ELF2: variants seen among roughly 807,000 people sequenced by gnomAD.
ELF2 encodes ETS-related transcription factor Elf-2.
A neutral mutation model predicts 54.8 loss-of-function variants in ELF2; 11 were observed. That is an observed-to-expected ratio of 0.20 (90% CI 0.13 to 0.33). The LOEUF is 0.33. Ranked by LOEUF, ELF2 falls within the 10% of genes least tolerant of loss-of-function variation. The pLI, the probability that ELF2 is intolerant of heterozygous loss-of-function variation, is 1.00. For missense variants in ELF2, 513 were observed against 703.0 expected, an observed-to-expected ratio of 0.73 and a Z score of 3.06; for synonymous variants, 203 against 245.1, an observed-to-expected ratio of 0.83 and a Z score of 1.61.
chr4:139,136,741 T>A (rs1738202822), intron 3 of ELF2: 1 of 150,386 alleles, frequency 6.6e-6, no homozygotes, highest in Non-Finnish European at 1.5e-5. Flanking sequence ...CTCGGCTCAC[T>A]GCAAGCTCCG....
intron 4 of ELF2, among the ~76,000 whole-genome samples, chr4:139,082,928 T>C (rs1385172579): frequency 1.3e-5 from 2 of 152,226 alleles, no homozygotes; most frequent in Non-Finnish European, 2.9e-5. Flanking sequence ...GCCCTTCCGC[T>C]GCAGCAGTGG....
intron 1 of ELF2, among the ~76,000 whole-genome samples, chr4:139,167,492 T>TA (rs1238187280): frequency 2.0e-5 from 3 of 152,216 alleles, no homozygotes. Context: ...TATAAACAAA[T>TA]TTGTCTTATT....
intron 1 of ELF2, among the ~76,000 whole-genome samples, chr4:139,143,235 G>A (rs1255977682): frequency 6.6e-6 from 1 of 152,204 alleles, no homozygotes; most frequent in Non-Finnish European, 1.5e-5. Context: ...TCCTGGAACA[G>A]TCTGCATGCA....
chr4:139,060,745 G>A (rs1727715106), intron 8 of ELF2, 71 bp from the exon 9 acceptor site: 2 of 1,294,070 alleles, frequency 1.5e-6, no homozygotes, highest in Non-Finnish European at 2.1e-6. Flanking sequence ...CCGCCAAAAA[G>A]ACCACATACA....
intron 4 of ELF2, among the ~76,000 whole-genome samples, chr4:139,098,862 G>A (rs796422923): frequency 2.6e-5 from 4 of 152,056 alleles, no homozygotes; most frequent in Non-Finnish European, 5.9e-5. Context: ...AATAACACAG[G>A]TTCTTGTCTT....
intron 6 of ELF2, 73 bp downstream of exon 6, chr4:139,071,793 T>C (rs1729546175): frequency 8.8e-6 from 12 of 1,368,912 alleles, no homozygotes; most frequent in South Asian, 1.4e-5. Context: ...CTACTTTCTA[T>C]GTCCCTTGAT....
intron 4 of ELF2, among the ~76,000 whole-genome samples, chr4:139,113,393 C>A (rs1300524184): frequency 1.3e-5 from 2 of 151,536 alleles, no homozygotes; most frequent in African/African-American, 4.9e-5. Flanking sequence ...CAGTGGCTCA[C>A]GCCTGTAATC....
chr4:139,122,447 CTT>C (rs1736462461), intron 4 of ELF2, among the ~76,000 whole-genome samples: 2 of 152,096 alleles, frequency 1.3e-5, no homozygotes, highest in Non-Finnish European at 2.9e-5. Context: ...AGAATGAAAA[CTT>C]ATTCAGATTT....
intron 4 of ELF2, chr4:139,116,577 T>C (rs971294984): frequency 2.7e-6 from 2 of 743,800 alleles, no homozygotes; most frequent in Admixed American, 1.3e-4. Context: ...AAAAATATGG[T>C]AAAGGTAGAT....
chr4:139,104,147 CTG>C (rs762531596), intron 4 of ELF2, among the ~76,000 whole-genome samples: 1 of 152,058 alleles, frequency 6.6e-6, no homozygotes, highest in Non-Finnish European at 1.5e-5. Flanking sequence ...CAACAAAAAA[CTG>C]TTATTCTAAT....
At chr4:139,103,184 G>A (rs1175466571) in intron 4 of ELF2, among the ~76,000 whole-genome samples, 1 of 152,186 alleles carries the variant, frequency 6.6e-6, no homozygotes, top group Non-Finnish European at 1.5e-5. Flanking sequence ...GTGATATTGT[G>A]AAATATGTGT....
rs1441971673 is a variant in ELF2, at chr4:139,057,357, T to C, written c.*1626A>G. 1 of 152,222 alleles carries C rather than the reference T, an allele frequency of 6.6e-6. No homozygotes were observed. The highest frequency in any genetic ancestry group is 1.5e-5 in the Non-Finnish European group (1 of 68,030). The allele number at this position is 152,222 out of a possible 1,614,324, so 9.4% of individuals were successfully genotyped here. A position where few individuals can be genotyped will look rare whatever the true frequency, so the allele number is the denominator to read the frequency against. On this transcript the variant is annotated 3_prime_UTR_variant, in exon 10 of 10. Coordinates refer to ENST00000686138, the MANE Select transcript of ELF2 (RefSeq NM_001331036.3). Reference sequence around the variant, plus strand: ...AACAATTTCTGACCTAAGTAGTATGTGATCAATTAAAAGACAAAAAATATT... The same window carrying C: ...AACAATTTCTGACCTAAGTAGTATGCGATCAATTAAAAGACAAAAAATATT...
chr4:139,165,574 A>G (rs1356613252), intron 1 of ELF2, among the ~76,000 whole-genome samples: 2 of 152,024 alleles, frequency 1.3e-5, no homozygotes, highest in African/African-American at 4.8e-5. Context: ...GAGGCAGGAG[A>G]ACCACTTGAA....
intron 4 of ELF2, among the ~76,000 whole-genome samples, chr4:139,089,961 ACT>A (rs1356312920): frequency 3.9e-5 from 6 of 152,070 alleles, no homozygotes; most frequent in Admixed American, 6.6e-5. Context: ...TATGGGTCTC[ACT>A]CTGTCACTGA....
intron 1 of ELF2, among the ~76,000 whole-genome samples, chr4:139,147,036 T>A (rs1739288492): frequency 6.6e-6 from 1 of 152,112 alleles, no homozygotes; most frequent in Non-Finnish European, 1.5e-5. Flanking sequence ...TGGGACCTAA[T>A]TAAACTAAAA....
chr4:139,164,104 GAAA>G (rs1741459345), intron 1 of ELF2, among the ~76,000 whole-genome samples: 1 of 148,902 alleles, frequency 6.7e-6, no homozygotes, highest in Non-Finnish European at 1.5e-5. Flanking sequence ...GGGAGAGAGA[GAAA>G]GAGGGAGGAA....
intron 1 of ELF2, among the ~76,000 whole-genome samples, chr4:139,162,080 C>T (rs1421818086): frequency 2.0e-5 from 3 of 151,996 alleles, no homozygotes; most frequent in East Asian, 1.9e-4. Context: ...GGCGACAGAG[C>T]GAGACTCCGT....
chr4:139,117,904 A>G, intron 4 of ELF2: 1 of 160,526 alleles, frequency 6.2e-6, no homozygotes, highest in Non-Finnish European at 1.4e-5. Context: ...CAGTGAGCCG[A>G]GATCACACCA....
intron 1 of ELF2, among the ~76,000 whole-genome samples, chr4:139,155,707 TAGAA>T (rs1209644016): frequency 1.3e-5 from 2 of 152,184 alleles, no homozygotes; most frequent in East Asian, 3.8e-4. Flanking sequence ...TTTACAAGGA[TAGAA>T]AGTAAACTAA....
Sources: allele counts gnomAD v4.1 joint callset (sites outside exome capture counted in the v4.1 genomes callset), GRCh38; gene constraint gnomAD v4.1.1; transcripts MANE v1.5; gene names NCBI Gene and HGNC (gene_info 2026-07-23, HGNC 2026-07-21).